Variants in SUMF1 observed in about 807,000 individuals in gnomAD.
SUMF1 encodes the protein formylglycine-generating enzyme.
SUMF1 carries 48 observed loss-of-function variants against 47.6 expected under a neutral mutation model. The observed-to-expected ratio is 1.01, with a 90% CI of 0.80 to 1.28. The LOEUF (loss-of-function observed/expected upper bound fraction) is 1.28, where lower values mean the gene tolerates loss of function less well. Ranked by LOEUF, SUMF1 falls within the 50% of genes most tolerant of loss-of-function variation. SUMF1 has a pLI of 0.00. For missense variants in SUMF1, 571 were observed against 485.4 expected, an observed-to-expected ratio of 1.18 and a Z score of -1.66; for synonymous variants, 230 against 192.1, an observed-to-expected ratio of 1.20 and a Z score of -1.63.
chr3:4,061,587 T>C (rs565374917), intron 9 of SUMF1, among the ~76,000 whole-genome samples: 1 of 152,266 alleles, frequency 6.6e-6, no homozygotes, highest in African/African-American at 2.4e-5. Context: ...TCTCTGGCAG[T>C]ACTCATTGTC....
chr3:4,321,847 AG>A (rs1273809399), intron 8 of SUMF1, among the ~76,000 whole-genome samples: 5 of 152,046 alleles, frequency 3.3e-5, no homozygotes, highest in Non-Finnish European at 4.4e-5. Flanking sequence ...GAGGAAAGGG[AG>A]GGGAGCAGAG....
intron 8 of SUMF1, among the ~76,000 whole-genome samples, chr3:4,172,068 T>C (rs1284777080): frequency 6.6e-6 from 1 of 152,190 alleles, no homozygotes; most frequent in Non-Finnish European, 1.5e-5. Flanking sequence ...TTAGAAAGTT[T>C]CTGTAGGAAA....
chr3:4,085,107 A>T (rs947583206), intron 8 of SUMF1, among the ~76,000 whole-genome samples: 2 of 152,156 alleles, frequency 1.3e-5, no homozygotes, highest in African/African-American at 4.8e-5. Context: ...CCATTCAGGT[A>T]ATCAGGGCCC....
chr3:4,251,964 G>A (rs942274457), intron 8 of SUMF1, among the ~76,000 whole-genome samples: 10 of 152,070 alleles, frequency 6.6e-5, no homozygotes, highest in Admixed American at 1.3e-4. Flanking sequence ...CTATATGCAC[G>A]GGAAAACCAA....
chr3:4,377,990 C>T (rs1287501109), intron 7 of SUMF1, among the ~76,000 whole-genome samples: 1 of 152,220 alleles, frequency 6.6e-6, no homozygotes, highest in Non-Finnish European at 1.5e-5. Context: ...GGCTAATGTA[C>T]TTTCTTGCAA....
At chr3:4,218,732 G>C (rs1305339589) in intron 8 of SUMF1, among the ~76,000 whole-genome samples, 2 of 152,168 alleles carry the variant, frequency 1.3e-5, no homozygotes, top group Non-Finnish European at 2.9e-5. Flanking sequence ...TACAGGCAAT[G>C]AGCATAGTTT....
At chr3:4,342,825 T>A (rs1325591416) in intron 8 of SUMF1, among the ~76,000 whole-genome samples, 2 of 152,212 alleles carry the variant, frequency 1.3e-5, no homozygotes. Context: ...GTAGACTCAC[T>A]AGTGACCCTC....
chr3:4,051,565 T>C (rs371518757), intron 9 of SUMF1, among the ~76,000 whole-genome samples: 180 of 152,304 alleles, frequency 1.2e-3, no homozygotes, highest in Middle Eastern at 3.4e-3. Flanking sequence ...CATGTTAAAG[T>C]TGTAACGTTT....
chr3:4,118,858 T>G (rs1693477112), intron 8 of SUMF1, among the ~76,000 whole-genome samples: 1 of 152,238 alleles, frequency 6.6e-6, no homozygotes, highest in East Asian at 1.9e-4. Flanking sequence ...TGTCCCATCT[T>G]TACTTATTCT....
chr3:4,146,690 C>T (rs1299388365), intron 8 of SUMF1, among the ~76,000 whole-genome samples: 1 of 151,672 alleles, frequency 6.6e-6, no homozygotes, highest in Non-Finnish European at 1.5e-5. Flanking sequence ...TCCCCCTTCC[C>T]CCCACCCCAC....
intron 8 of SUMF1, among the ~76,000 whole-genome samples, chr3:4,231,565 C>T (rs1696300398): frequency 6.6e-6 from 1 of 152,154 alleles, no homozygotes; most frequent in Non-Finnish European, 1.5e-5. Context: ...ACAGAGGTAT[C>T]TGCTATCCTA....
chr3:4,070,512 AT>A (rs1229054222), intron 8 of SUMF1, among the ~76,000 whole-genome samples: 1 of 152,208 alleles, frequency 6.6e-6, no homozygotes, highest in African/African-American at 2.4e-5. Flanking sequence ...AACCAATGAA[AT>A]TCATCATATC....
intron 8 of SUMF1, among the ~76,000 whole-genome samples, chr3:4,345,252 A>G (rs935630770): frequency 3.3e-5 from 5 of 152,238 alleles, no homozygotes; most frequent in African/African-American, 1.2e-4. Context: ...CAAGGTCGAA[A>G]TGAAGGAAAA....
chr3:4,437,596 T>C (rs1357999361), intron 3 of SUMF1, among the ~76,000 whole-genome samples: 2 of 152,192 alleles, frequency 1.3e-5, no homozygotes, highest in African/African-American at 2.4e-5. Flanking sequence ...CAAATGCAGC[T>C]ATATATTATT....
At chr3:4,336,894 T>G (rs183555168) in intron 8 of SUMF1, among the ~76,000 whole-genome samples, 162 of 152,356 alleles carry the variant, frequency 1.1e-3, no homozygotes, top group South Asian at 2.3e-3. Flanking sequence ...ATCTCTACCA[T>G]GTACCACTTT....
At chr3:4,282,246 G>A (rs1188440371) in intron 8 of SUMF1, among the ~76,000 whole-genome samples, 5 of 152,028 alleles carry the variant, frequency 3.3e-5, no homozygotes, top group African/African-American at 1.2e-4. Context: ...TCCAGCTGCA[G>A]AAAGAAATCA....
At chr3:4,085,778 G>T (rs149402385) in intron 8 of SUMF1, among the ~76,000 whole-genome samples, 1 of 151,998 alleles carries the variant, frequency 6.6e-6, no homozygotes, top group East Asian at 1.9e-4. Context: ...ACATGCAGTT[G>T]TTTTAATATA....
chr3:4,320,998 A>G (rs1039436016), intron 8 of SUMF1, among the ~76,000 whole-genome samples: 3 of 152,164 alleles, frequency 2.0e-5, no homozygotes, highest in African/African-American at 7.2e-5. Context: ...CCTTAACAGG[A>G]TATAATTCTG....
chr3:4,055,690 C>T (rs190130898), intron 9 of SUMF1, among the ~76,000 whole-genome samples: 85 of 152,132 alleles, frequency 5.6e-4, no homozygotes, highest in African/African-American at 1.9e-3. Context: ...GCTATGTTGC[C>T]CAGTCTAGCC....
Sources: allele counts gnomAD v4.1 joint callset (sites outside exome capture counted in the v4.1 genomes callset), GRCh38; gene constraint gnomAD v4.1.1; transcripts MANE v1.5; gene names NCBI Gene and HGNC (gene_info 2026-07-23, HGNC 2026-07-21).